Variants in DNAH10 observed in about 807,000 individuals in gnomAD.
DNAH10 encodes dynein axonemal heavy chain 10.
In DNAH10, 348 loss-of-function variants were observed where a neutral mutation model predicts 506.6. That is an observed-to-expected ratio of 0.69 (90% CI 0.63 to 0.75). DNAH10 has a LOEUF of 0.75. Among genes scored for constraint, DNAH10 ranks in the 30% least tolerant of loss-of-function variants. The pLI is 0.00. For missense variants in DNAH10, 5,179 were observed against 5,787.1 expected (o/e 0.89, Z 3.41); for synonymous variants, 2,059 against 2,198.6 (o/e 0.94, Z 1.78).
At chr12:123,905,208 T>C (rs1373866154) in intron 57 of DNAH10, among the ~76,000 whole-genome samples, 1 of 152,236 alleles carries the variant, frequency 6.6e-6, no homozygotes, top group Admixed American at 6.5e-5. Context: ...TTTAGAACAT[T>C]CCTTCACATT....
chr12:123,910,550 C>G lies in DNAH10; in HGVS notation c.10012C>G (p.Leu3338Val), dbSNP rs756318823. ...TTTCACGTTAGGCCTCTTGAAGACTCTTAATACCACAACTGAAGAAATGGA... is the reference window on the plus strand; with the variant it reads ...TTTCACGTTAGGCCTCTTGAAGACTGTTAATACCACAACTGAAGAAATGGA... Reference protein sequence around the residue: ...VKNIKGLLKTLNTTTEEMEAV... With the variant: ...VKNIKGLLKTVNTTTEEMEAV... The change falls in exon 59 of 79, where the codon CTT becomes GTT. Residue 3338 changes from leucine to valine, a missense_variant. Leu to Val is a conservative substitution (Grantham distance 32, BLOSUM62 1). Transcript: ENST00000673944. 2.5e-6 allele frequency: 4 copies of G among 1,613,638 alleles called. No homozygotes were observed. The highest frequency in any genetic ancestry group is 1.7e-4 in the Middle Eastern group (1 of 6,060).
chr12:123,789,513 A>AACTC (rs1399148437), intron 10 of DNAH10, among the ~76,000 whole-genome samples: 1 of 151,968 alleles, frequency 6.6e-6, no homozygotes, highest in East Asian at 2.0e-4. Context: ...CCTCCTGAGT[A>AACTC]GCTGGGATTA....
In DNAH10 at chr12:123,771,699, G is replaced by C. The variant is rs1331016501; in HGVS notation, c.396+1G>C. On this transcript the variant is annotated splice_donor_variant, in intron 3 of 78. Coordinates refer to ENST00000673944, the MANE Select transcript of DNAH10 (RefSeq NM_001372106.1). LOFTEE classifies it high-confidence loss of function. ...GATTTCAGAAAAACTCCCTTCCAAAGTAAGCATGGCTCTTTGTCCTTGTTG... is the reference window on the plus strand; with the variant it reads ...GATTTCAGAAAAACTCCCTTCCAAACTAAGCATGGCTCTTTGTCCTTGTTG... 2 of 1,607,858 alleles carry C rather than the reference G, an allele frequency of 1.2e-6. No individual in the cohort carries two copies. The highest frequency in any genetic ancestry group is 2.7e-5 in the African/African-American group (2 of 74,824).
chr12:123,793,705 T>G (rs1036368761), intron 11 of DNAH10, among the ~76,000 whole-genome samples: 9 of 152,210 alleles, frequency 5.9e-5, no homozygotes, highest in Non-Finnish European at 1.0e-4. Flanking sequence ...CTCTCCTGCA[T>G]TTTTTGTTTA....
At chr12:123,801,598 C>T (rs1958485012) in intron 16 of DNAH10, among the ~76,000 whole-genome samples, 166 bp downstream of exon 16, 1 of 152,062 alleles carries the variant, frequency 6.6e-6, no homozygotes, top group Non-Finnish European at 1.5e-5. Context: ...TCCAGGCTGT[C>T]GTTGGGATGA....
chr12:123,767,229 G>T (rs1238097813), intron 1 of DNAH10, among the ~76,000 whole-genome samples: 1 of 152,100 alleles, frequency 6.6e-6, no homozygotes, highest in African/African-American at 2.4e-5. Flanking sequence ...TTAAATTGTG[G>T]TAACATACAC....
In DNAH10 at chr12:123,897,754, A is replaced by T; in HGVS notation, c.9281-16A>T. ...AAGAAAAAGAAAGAAAACATTTTTTATTCCTTCCTCTTCAGGGTATAATCC... is the reference window on the plus strand; with the variant it reads ...AAGAAAAAGAAAGAAAACATTTTTTTTTCCTTCCTCTTCAGGGTATAATCC... On this transcript the variant is annotated splice_polypyrimidine_tract_variant and intron_variant, in intron 54 of 78. Coordinates refer to ENST00000673944, the MANE Select transcript of DNAH10 (RefSeq NM_001372106.1). The T allele has an allele frequency of 6.3e-7, 1 of 1,586,710 alleles. No homozygotes were observed. The highest frequency in any genetic ancestry group is 2.0e-5 in the Admixed American group (1 of 51,034).
At position 123,877,742 on chromosome 12, in the gene DNAH10, C is replaced by T. The variant is rs771259691; in HGVS notation, c.8206C>T (p.His2736Tyr). 3 of 1,612,098 alleles carry T rather than the reference C, an allele frequency of 1.9e-6. No individual in the cohort carries two copies. Among genetic ancestry groups the T allele is most frequent in the Admixed American group, 3.3e-5 (2 of 59,736 alleles). The change falls in exon 48 of 79, where the codon CAT becomes TAT. Residue 2736 changes from histidine to tyrosine, a missense_variant. Transcript: ENST00000673944. ...GTGTCTTTGCATTTTTCAGACGTTTCATGAGAGCATTGTGGCTGTGAGTGG... is the reference window on the plus strand; with the variant it reads ...GTGTCTTTGCATTTTTCAGACGTTTTATGAGAGCATTGTGGCTGTGAGTGG... Reference protein sequence around the residue: ...SILKGHTSTFHESIVAVSGKL... With the variant: ...SILKGHTSTFYESIVAVSGKL...
At chr12:123,765,618 ATC>A (rs1957008695) in intron 1 of DNAH10, among the ~76,000 whole-genome samples, 3 of 148,016 alleles carry the variant, frequency 2.0e-5, no homozygotes, top group Non-Finnish European at 4.5e-5. Context: ...CTATCTATAC[ATC>A]TATTTATCTA....
At chr12:123,807,288 C>T (rs1285443921) in intron 18 of DNAH10, among the ~76,000 whole-genome samples, 1 of 152,138 alleles carries the variant, frequency 6.6e-6, no homozygotes, top group Non-Finnish European at 1.5e-5. Context: ...ACTCTGGTCA[C>T]AGACAAGGCC....
intron 78 of DNAH10, 139 bp downstream of exon 78, chr12:123,934,905 C>T (rs1012264847): frequency 9.2e-6 from 11 of 1,193,142 alleles, no homozygotes; most frequent in African/African-American, 3.1e-5. Context: ...GTCTTGGAGC[C>T]GTGATAAAAG....
chr12:123,783,380 T>C (rs903511951), intron 7 of DNAH10, 116 bp downstream of exon 7: 2 of 1,257,834 alleles, frequency 1.6e-6, no homozygotes, highest in African/African-American at 3.0e-5. Context: ...GTTTTATGAC[T>C]TCCTTAAGCC....
chr12:123,770,265 A>T (rs7296437), intron 2 of DNAH10, among the ~76,000 whole-genome samples: 19,133 of 151,496 alleles, frequency 0.13, 2,378 homozygotes, highest in African/African-American at 0.32. Context: ...ATTTTTTTTT[A>T]AAATTTTTTT....
At chr12:123,929,141 G>A in intron 70 of DNAH10, 134 bp from the exon 71 acceptor site, 2 of 895,786 alleles carry the variant, frequency 2.2e-6, no homozygotes, top group East Asian at 2.6e-5. Context: ...CTGGACAAGA[G>A]ACTTTAGCTA....
chr12:123,882,043 G>A (rs1952533246), intron 51 of DNAH10: 3 of 393,342 alleles, frequency 7.6e-6, no homozygotes, highest in African/African-American at 2.1e-5. Flanking sequence ...CTTAGGATAG[G>A]GTTACATCCT....
intron 51 of DNAH10, among the ~76,000 whole-genome samples, chr12:123,886,478 C>CGT (rs1330696097): frequency 5.1e-5 from 7 of 136,228 alleles, no homozygotes; most frequent in East Asian, 4.2e-4. Context: ...TGCGCGCGCG[C>CGT]GCGTGTGTGT....
chr12:123,859,010 C>A, intron 37 of DNAH10, 140 bp from the exon 38 acceptor site: 1 of 794,166 alleles, frequency 1.3e-6, no homozygotes, highest in Non-Finnish European at 2.0e-6. Flanking sequence ...GGGATGGTTG[C>A]ACAACTCTGT....
chr12:123,900,040 G>A (rs1012955122), intron 56 of DNAH10, among the ~76,000 whole-genome samples: 4 of 152,062 alleles, frequency 2.6e-5, no homozygotes, highest in Admixed American at 6.6e-5. Context: ...ACACCCTGTC[G>A]CCTGCTCACA....
intron 60 of DNAH10, 145 bp from the exon 61 acceptor site, chr12:123,914,184 T>C: frequency 1.3e-6 from 1 of 754,206 alleles, no homozygotes; most frequent in Non-Finnish European, 2.1e-6. Context: ...TTGGTCTCTG[T>C]TCCTCACAAG....
Sources: gnomAD v4.1 joint callset for allele counts (sites outside exome capture counted in the v4.1 genomes callset) on GRCh38, gnomAD v4.1.1 for gene constraint, MANE v1.5 for transcripts, NCBI Gene and HGNC (gene_info 2026-07-23, HGNC 2026-07-21) for gene names.